Variants in PTPRZ1 observed in about 807,000 individuals in gnomAD.
PTPRZ1 encodes the protein receptor-type tyrosine-protein phosphatase zeta.
A neutral mutation model predicts 214.1 loss-of-function variants in PTPRZ1; 82 were observed. The ratio of observed to expected loss-of-function variants is 0.38; its 90% CI spans 0.32 to 0.46. The LOEUF (loss-of-function observed/expected upper bound fraction) is 0.46. PTPRZ1 is among the 20% of genes least tolerant of loss of function. The pLI, the probability that PTPRZ1 is intolerant of heterozygous loss-of-function variation, is 1.00. For synonymous variants in PTPRZ1, 945 were observed against 987.9 expected (o/e 0.96, Z 0.81); for missense variants, 2,603 against 2,748.7 (o/e 0.95, Z 1.19).
chr7:122,055,842 AT>A (rs1792334494), intron 27 of PTPRZ1, among the ~76,000 whole-genome samples: 1 of 151,892 alleles, frequency 6.6e-6, no homozygotes, highest in Non-Finnish European at 1.5e-5. Context: ...AATAATTTGA[AT>A]GTTTCACTTT....
chr7:122,023,850 T>TA (rs55791364), intron 13 of PTPRZ1, among the ~76,000 whole-genome samples: 47 of 131,230 alleles, frequency 3.6e-4, no homozygotes, highest in East Asian at 3.3e-3. Context: ...TATATATATA[T>TA]AAAAAAAAAA....
chr7:121,971,137 G>A (rs528333080), intron 3 of PTPRZ1, among the ~76,000 whole-genome samples: 24 of 151,998 alleles, frequency 1.6e-4, no homozygotes, highest in African/African-American at 5.6e-4. Context: ...ATTTCTGAGG[G>A]CTCTGTTCTG....
intron 17 of PTPRZ1, 32 bp from the exon 18 acceptor site, chr7:122,036,568 C>G (rs1799543672): frequency 7.1e-7 from 1 of 1,405,548 alleles, no homozygotes; most frequent in African/African-American, 1.4e-5. Flanking sequence ...GTAGTCTGTG[C>G]TACAATGAAA....
At position 121,911,962 on chromosome 7, in the gene PTPRZ1, A is replaced by C. The variant is rs1284208852; in HGVS notation, c.59-16194A>C. Among the ~76,000 whole-genome samples, 8 of 152,012 alleles carry C rather than the reference A, an allele frequency of 5.3e-5. No individual in the cohort carries two copies. The East Asian group carries it at 1.5e-3, about 29-fold the overall frequency. On this transcript the variant is annotated intron_variant, in intron 1 of 29. Coordinates refer to ENST00000393386, the MANE Select transcript of PTPRZ1 (RefSeq NM_002851.3). ...AAGTTCTGTTAATGAGTTTCTAATA[A>C]AAGTAGACCTGTTTTGAAAACAGAA...
rs567619605 is a variant in PTPRZ1 at position 121,946,502 on chromosome 7, C to T, written c.124+18281C>T. On this transcript the variant is annotated intron_variant, in intron 2 of 29. Transcript: ENST00000393386. ...AAAGAGACAACTGACAACAAAGTAG[C>T]GAGAAGGTCCCATAGAGCTCCAATA... Among the ~76,000 whole-genome samples the T allele has an allele frequency of 1.6e-4, 25 of 152,052 alleles. 1 individual carries two copies. In the South Asian group the frequency reaches 2.1e-3, roughly 13 times the overall value.
Position 122,010,697 on chromosome 7 carries a change from A to G in PTPRZ1, c.1651A>G (p.Met551Val), listed in dbSNP as rs1346983141. Residue 551 changes from methionine (M) to valine (V), a missense_variant, in exon 12 of 30, where the codon ATG (methionine) becomes GTG (valine). Met to Val is a conservative substitution (Grantham distance 21, BLOSUM62 1). This residue lies in a region of PTPRZ1 where 1,913 missense variants were observed against 1,914.3 expected (regional missense o/e 1.00). Transcript: ENST00000393386. ...TAAAACTGTTCTTAGATCTCCACAT[A>G]TGAACTTGTCGGGGACTGCAGAATC... is the stretch of plus-strand genomic sequence containing the variant. ...GSKTVLRSPHMNLSGTAESLN... is the reference protein window; with the variant it reads ...GSKTVLRSPHVNLSGTAESLN... 7 of 1,613,872 alleles carry G rather than the reference A, an allele frequency of 4.3e-6. No individual in the cohort carries two copies. In the Admixed American group the frequency reaches 1.2e-4, roughly 27 times the overall value.
chr7:121,873,581 G>A (rs1793952298), intron 1 of PTPRZ1, 24 bp downstream of exon 1: 2 of 1,612,526 alleles, frequency 1.2e-6, no homozygotes, highest in African/African-American at 1.3e-5. Context: ...GCTCGGTGGG[G>A]TTTCAGCTCC....
At chr7:121,904,189 A>C (rs561373606) in intron 1 of PTPRZ1, among the ~76,000 whole-genome samples, 1 of 152,188 alleles carries the variant, frequency 6.6e-6, no homozygotes, top group African/African-American at 2.4e-5. Context: ...GCAAGAGTGC[A>C]TGCACCTCCA....
intron 13 of PTPRZ1, among the ~76,000 whole-genome samples, chr7:122,023,976 A>G (rs1310085170): frequency 6.6e-6 from 1 of 151,394 alleles, no homozygotes; most frequent in Non-Finnish European, 1.5e-5. Flanking sequence ...GATAGGACCT[A>G]TGTCTACAAG....
At chr7:122,042,291 A>G (rs1799754820) in intron 21 of PTPRZ1, among the ~76,000 whole-genome samples, 1 of 152,202 alleles carries the variant, frequency 6.6e-6, no homozygotes, top group African/African-American at 2.4e-5. Context: ...TCTGATACAT[A>G]ATATTTTCAT....
At position 122,010,072 on chromosome 7, in the gene PTPRZ1, G is replaced by A. The variant is rs182183827; in HGVS notation, c.1288-262G>A. ...AGTGTGTCTTCCTTTTAAATATGTG[G>A]TATCTATTCATTTAACCACTTCTTT... On this transcript the variant is annotated intron_variant, in intron 11 of 29. Coordinates refer to ENST00000393386, the MANE Select transcript of PTPRZ1 (RefSeq NM_002851.3). Among the ~76,000 whole-genome samples, 531 of 152,184 alleles carry A rather than the reference G, an allele frequency of 3.5e-3. 4 individuals are homozygous for A. Among genetic ancestry groups the A allele is most frequent in the African/African-American group, 0.012 (486 of 41,524 alleles).
At chr7:121,968,617 C>T (rs1036096568) in intron 3 of PTPRZ1, among the ~76,000 whole-genome samples, 14 of 148,100 alleles carry the variant, frequency 9.5e-5, no homozygotes, top group African/African-American at 3.4e-4. Context: ...CTCTAAGTGT[C>T]TTTTTATTGA....
chr7:122,004,463 T>G (rs1798422068), intron 10 of PTPRZ1, 151 bp from the exon 11 acceptor site: 2 of 537,440 alleles, frequency 3.7e-6, no homozygotes, highest in South Asian at 3.7e-5. Context: ...AAACTAAAAT[T>G]TGGAATTTTT....
At chr7:121,876,481 C>G (rs1018439669) in intron 1 of PTPRZ1, among the ~76,000 whole-genome samples, 2 of 152,070 alleles carry the variant, frequency 1.3e-5, no homozygotes, top group African/African-American at 4.8e-5. Context: ...GCTTTAAGAG[C>G]CACATTAACA....
chr7:121,932,671 A>C (rs1335451015), intron 2 of PTPRZ1, among the ~76,000 whole-genome samples: 1 of 152,186 alleles, frequency 6.6e-6, no homozygotes, highest in Non-Finnish European at 1.5e-5. Flanking sequence ...CTGTAAAAGA[A>C]CTAATAAGCC....
chr7:121,927,742 G>A (rs150647549), intron 1 of PTPRZ1, among the ~76,000 whole-genome samples: 14 of 152,270 alleles, frequency 9.2e-5, no homozygotes, highest in African/African-American at 3.1e-4. Context: ...AGCATTTTCA[G>A]ATAAAACTTG....
chr7:122,045,656 G>A (rs1799869519), intron 23 of PTPRZ1, among the ~76,000 whole-genome samples: 1 of 147,542 alleles, frequency 6.8e-6, no homozygotes, highest in African/African-American at 2.5e-5. Context: ...TAATTAAGTT[G>A]TAAAGATATC....
intron 2 of PTPRZ1, among the ~76,000 whole-genome samples, chr7:121,931,091 G>A (rs1402627807): frequency 1.3e-5 from 2 of 152,074 alleles, no homozygotes; most frequent in Non-Finnish European, 2.9e-5. Context: ...TTCCCCAAGA[G>A]GTTCTTTATG....
chr7:121,964,603 CT>C (rs990781528), intron 2 of PTPRZ1, among the ~76,000 whole-genome samples: 12 of 148,866 alleles, frequency 8.1e-5, no homozygotes, highest in South Asian at 2.1e-4. Context: ...ATGTGCTAGT[CT>C]TTTTTTTTTC....
Sources: gnomAD v4.1 joint callset for allele counts (sites outside exome capture counted in the v4.1 genomes callset) on GRCh38, gnomAD v4.1.1 for gene constraint, gnomAD v4.1.1 regional missense constraint, MANE v1.5 for transcripts, NCBI Gene and HGNC (gene_info 2026-07-23, HGNC 2026-07-21) for gene names.